GFPT2: variants seen among roughly 807,000 people sequenced by gnomAD.
GFPT2 encodes glutamine--fructose-6-phosphate aminotransferase [isomerizing] 2.
GFPT2 carries 62 observed loss-of-function variants against 85.6 expected under a neutral mutation model. The ratio of observed to expected loss-of-function variants is 0.72; its 90% CI spans 0.59 to 0.90. GFPT2 has a LOEUF of 0.90. Among genes scored for constraint, GFPT2 ranks in the 40% least tolerant of loss-of-function variants. GFPT2 has a pLI of 0.00. For missense variants in GFPT2, 788 were observed against 893.4 expected (o/e 0.88, Z 1.50); for synonymous variants, 368 against 344.5 (o/e 1.07, Z -0.75).
At chr5:180,325,215 C>T (rs888927) in intron 7 of GFPT2, among the ~76,000 whole-genome samples, 73,770 of 151,966 alleles carry the variant, frequency 0.49, 19,384 homozygotes, top group East Asian at 0.75. Flanking sequence ...GGAGGCTGAG[C>T]GTTTGGCAGC....
intron 1 of GFPT2, among the ~76,000 whole-genome samples, chr5:180,344,922 C>A (rs992478458): frequency 1.3e-5 from 2 of 152,218 alleles, no homozygotes; most frequent in African/African-American, 4.8e-5. Flanking sequence ...AGCCCAGGGC[C>A]ACCCGCCTGG....
intron 4 of GFPT2, 66 bp downstream of exon 4, chr5:180,335,762 G>T: frequency 6.5e-7 from 1 of 1,528,784 alleles, no homozygotes; most frequent in Admixed American, 2.1e-5. Flanking sequence ...CTGCTTTGGC[G>T]GGCACTGGCC....
At chr5:180,302,990 G>T (rs1345240370) in intron 17 of GFPT2, among the ~76,000 whole-genome samples, 4 of 152,052 alleles carry the variant, frequency 2.6e-5, no homozygotes, top group African/African-American at 9.7e-5. Context: ...AACACTTTGG[G>T]AGGCTGAGGC....
Position 180,335,952 on chromosome 5 carries a change from T to C in GFPT2, c.216A>G (p.Lys72=), listed in dbSNP as rs369471136. The C allele has an allele frequency of 2.6e-6, 4 of 1,563,936 alleles. No individual in the cohort carries two copies. Among genetic ancestry groups the C allele is most frequent in the Non-Finnish European group, 3.4e-6 (4 of 1,160,666 alleles). ...CCACTTTTAAGTCCATGCTGTCTTG[T>C]TCTAAATGAAAGGAAAATCAGTTTG... ...KVKALDEELY[K]QDSMDLKVEF... The change falls in exon 4 of 19, where the codon AAA becomes AAG. Residue 72 remains lysine, a splice_region_variant and synonymous_variant. Coordinates refer to ENST00000253778, the MANE Select transcript of GFPT2 (RefSeq NM_005110.4).
chr5:180,331,913 G>A (rs1200758007), intron 4 of GFPT2, among the ~76,000 whole-genome samples: 1 of 152,192 alleles, frequency 6.6e-6, no homozygotes, highest in Non-Finnish European at 1.5e-5. Context: ...TGAGCCCTTC[G>A]TTCCAGAAGT....
intron 1 of GFPT2, among the ~76,000 whole-genome samples, chr5:180,339,307 G>A (rs1365247491): frequency 6.7e-6 from 1 of 150,356 alleles, no homozygotes; most frequent in African/African-American, 2.5e-5. Flanking sequence ...TTGAACCAGG[G>A]AGCTGGAGGT....
At chr5:180,332,430 C>T (rs2127654395) in intron 4 of GFPT2, among the ~76,000 whole-genome samples, 1 of 152,324 alleles carries the variant, frequency 6.6e-6, no homozygotes, top group South Asian at 2.1e-4. Flanking sequence ...TTCCCTATTA[C>T]CCTTGAGGTT....
rs202171607 is a variant in GFPT2, at chr5:180,353,296, C to T, written c.-79G>A. The T allele has an allele frequency of 0.034, 8,991 of 266,768 alleles. 376 individuals carry two copies. Among genetic ancestry groups the T allele is most frequent in the East Asian group, 0.26 (4,404 of 16,914 alleles). The allele number at this position is 266,768 out of a possible 1,614,324, so 16.5% of individuals were successfully genotyped here. ...GCTGGGGCTCCTCCGTGGGCTCCTCCGTGGGCTCCGTGGGCTCCGTGGGCT... is the reference window on the plus strand; with the variant it reads ...GCTGGGGCTCCTCCGTGGGCTCCTCTGTGGGCTCCGTGGGCTCCGTGGGCT... On this transcript the variant is annotated 5_prime_UTR_variant, in exon 1 of 19. Coordinates refer to ENST00000253778, the MANE Select transcript of GFPT2 (RefSeq NM_005110.4).
chr5:180,318,878 GGA>G lies in GFPT2; in HGVS notation c.871_872del (p.Ser291HisfsTer10), dbSNP rs1425466639. The G allele has an allele frequency of 2.5e-6, 4 of 1,613,980 alleles. No homozygotes were observed. The highest frequency in any genetic ancestry group is 1.7e-5 in the Admixed American group (1 of 60,026). ...TGGCCGAGCGCTTGACCCGGTGAAT[GGA>G]GAGTTTCCCATCAGCCACTGCGGCG... Reference protein sequence around the residue: ...DIAAVADGKLSIHRVKRSASD... With the variant: ...DIAAVADGKLXIHRVKRSASD... On this transcript the variant is annotated frameshift_variant, in exon 10 of 19. Coordinates refer to ENST00000253778, the MANE Select transcript of GFPT2 (RefSeq NM_005110.4). LOFTEE classifies it high-confidence loss of function. The surrounding 1 kb of genome is among the most constrained non-coding windows in gnomAD (Gnocchi z 4.2).
chr5:180,337,941 C>T (rs767272766), intron 2 of GFPT2, among the ~76,000 whole-genome samples: 18 of 151,978 alleles, frequency 1.2e-4, no homozygotes, highest in African/African-American at 4.4e-4. Context: ...GGGGCTACGC[C>T]GGGCAGCACA....
intron 1 of GFPT2, among the ~76,000 whole-genome samples, chr5:180,347,855 A>C (rs978459493): frequency 3.3e-5 from 5 of 151,848 alleles, no homozygotes; most frequent in Middle Eastern, 3.2e-3. Context: ...GGCCTGGGGG[A>C]TGGGGAAGAC....
intron 9 of GFPT2, among the ~76,000 whole-genome samples, chr5:180,319,750 C>CA (rs1162347533): frequency 1.3e-5 from 2 of 151,534 alleles, no homozygotes. Flanking sequence ...GTAGTCTTGC[C>CA]AAAAAAAATC....
At chr5:180,315,551 G>A (rs1184323342) in intron 13 of GFPT2, among the ~76,000 whole-genome samples, 1 of 152,144 alleles carries the variant, frequency 6.6e-6, no homozygotes, top group Non-Finnish European at 1.5e-5. Context: ...CATGATGCCC[G>A]GGATTGGCTT....
chr5:180,308,255 C>T (rs987145515), intron 15 of GFPT2, among the ~76,000 whole-genome samples: 1 of 139,410 alleles, frequency 7.2e-6, no homozygotes, highest in Non-Finnish European at 1.5e-5. Context: ...GACTCCATCT[C>T]GAAAAAAAAA....
At chr5:180,313,116 T>C (rs1184741697) in intron 14 of GFPT2, among the ~76,000 whole-genome samples, 2 of 150,464 alleles carry the variant, frequency 1.3e-5, no homozygotes, top group Non-Finnish European at 3.0e-5. Context: ...CCCGGGGCGG[T>C]CTGGAACTCC....
chr5:180,317,523 G>A (rs1331044479), intron 10 of GFPT2, among the ~76,000 whole-genome samples: 3 of 151,574 alleles, frequency 2.0e-5, no homozygotes, highest in Non-Finnish European at 4.4e-5. Flanking sequence ...ACTTTGGGAG[G>A]CCGAGGCGGG....
chr5:180,308,359 C>T (rs12651762), intron 15 of GFPT2, among the ~76,000 whole-genome samples: 47,599 of 151,958 alleles, frequency 0.31, 7,684 homozygotes, highest in East Asian at 0.45. Flanking sequence ...TACTTCATTT[C>T]CAACAAGAAT....
chr5:180,335,893 C>A lies in GFPT2; in HGVS notation c.275G>T (p.Arg92Leu). 1 of 1,580,282 alleles carries A rather than the reference C, an allele frequency of 6.3e-7. No homozygotes were observed. The highest frequency in any genetic ancestry group is 8.6e-7 in the Non-Finnish European group (1 of 1,168,284). ...FETHFGIAHT[R>L]WATHGVPSAV... is the part of the protein sequence containing the mutation. ...ACTGGGGACCCCGTGGGTGGCCCAG[C>A]GCGTGTGGGCAATGCCGAAGTGTGT... Residue 92 changes from arginine (R) to leucine (L), a missense_variant, in exon 4 of 19, where the codon CGC (arginine) becomes CTC (leucine). Coordinates refer to ENST00000253778, the MANE Select transcript of GFPT2 (RefSeq NM_005110.4).
intron 10 of GFPT2, 59 bp from the exon 11 acceptor site, chr5:180,317,117 TGCAGCA>T: frequency 9.2e-7 from 1 of 1,083,180 alleles, no homozygotes; most frequent in Middle Eastern, 2.0e-4. Context: ...CTTTTCATTA[TGCAGCA>T]GCGATAGTAA....
Sources: allele counts gnomAD v4.1 joint callset (sites outside exome capture counted in the v4.1 genomes callset), GRCh38; gene constraint gnomAD v4.1.1; non-coding constraint Gnocchi (gnomAD v3.1); transcripts MANE v1.5; gene names NCBI Gene and HGNC (gene_info 2026-07-23, HGNC 2026-07-21).